The following POU6F2 variants were observed in gnomAD, a reference collection of about 807,000 sequenced individuals.
POU6F2 encodes POU domain, class 6, transcription factor 2.
A neutral mutation model predicts 71.3 loss-of-function variants in POU6F2; 31 were observed. The observed-to-expected ratio is 0.43, with a 90% CI of 0.33 to 0.59. The LOEUF is 0.59. Ranked by LOEUF, POU6F2 falls within the 20% of genes least tolerant of loss-of-function variation. POU6F2 has a pLI of 0.04. For synonymous variants in POU6F2, 347 were observed against 355.7 expected (o/e 0.98, Z 0.27); for missense variants, 783 against 856.8 (o/e 0.91, Z 1.07).
chr7:39,238,033 GA>G (rs369035148), intron 4 of POU6F2, among the ~76,000 whole-genome samples: 1 of 152,196 alleles, frequency 6.6e-6, no homozygotes, highest in African/African-American at 2.4e-5. Flanking sequence ...CTTCCCTACA[GA>G]AAAAAGCGCA....
chr7:39,342,984 G>A (rs1299823009), intron 5 of POU6F2, among the ~76,000 whole-genome samples: 1 of 152,140 alleles, frequency 6.6e-6, no homozygotes, highest in Non-Finnish European at 1.5e-5. Context: ...TAGGAGGTCT[G>A]GTGGTCTAAA....
chr7:39,133,787 G>C (rs1295568722), intron 2 of POU6F2, among the ~76,000 whole-genome samples: 1 of 152,228 alleles, frequency 6.6e-6, no homozygotes, highest in Non-Finnish European at 1.5e-5. Context: ...AGACCACAAT[G>C]TACAGCCTGT....
chr7:39,463,416 G>A (rs995820523), intron 9 of POU6F2, among the ~76,000 whole-genome samples: 1 of 152,178 alleles, frequency 6.6e-6, no homozygotes, highest in African/African-American at 2.4e-5. Flanking sequence ...CATTACACCG[G>A]CTGGTGTTTG....
intron 2 of POU6F2, among the ~76,000 whole-genome samples, chr7:39,096,716 A>G (rs544423052): frequency 9.2e-5 from 14 of 151,888 alleles, no homozygotes; most frequent in African/African-American, 3.1e-4. Context: ...ATGTTTTGTC[A>G]GTTTATTTGG....
At chr7:39,356,931 A>G (rs553933161) in intron 5 of POU6F2, among the ~76,000 whole-genome samples, 13 of 152,268 alleles carry the variant, frequency 8.5e-5, no homozygotes, top group Admixed American at 7.2e-4. Flanking sequence ...GAAGAAATGT[A>G]CATCAAAGTA....
chr7:39,252,110 C>G (rs577159848), intron 4 of POU6F2, among the ~76,000 whole-genome samples: 22 of 152,004 alleles, frequency 1.4e-4, no homozygotes, highest in African/African-American at 5.1e-4. Context: ...TTCTCTCATG[C>G]TCCTCAGATC....
At chr7:39,056,915 G>T (rs1047570033) in intron 1 of POU6F2, among the ~76,000 whole-genome samples, 1 of 152,068 alleles carries the variant, frequency 6.6e-6, no homozygotes, top group African/African-American at 2.4e-5. Context: ...AACATAACTT[G>T]TCTGTATGAC....
chr7:39,213,905 C>T (rs967787712), intron 4 of POU6F2, among the ~76,000 whole-genome samples: 1 of 152,132 alleles, frequency 6.6e-6, no homozygotes, highest in South Asian at 2.1e-4. Context: ...CTTTCCTGTC[C>T]GTTATCTTCC....
intron 1 of POU6F2, among the ~76,000 whole-genome samples, chr7:39,008,335 G>T (rs1251590021): frequency 6.6e-6 from 1 of 152,060 alleles, no homozygotes; most frequent in Non-Finnish European, 1.5e-5. Context: ...CTTTTGAGAA[G>T]TGTCTGTTCA....
intron 1 of POU6F2, among the ~76,000 whole-genome samples, chr7:39,021,369 A>T (rs1012519094): frequency 6.6e-6 from 1 of 151,434 alleles, no homozygotes; most frequent in African/African-American, 2.4e-5. Context: ...TACTTGGCCA[A>T]TTTTTTTTCT....
At chr7:39,030,679 T>C (rs1422501912) in intron 1 of POU6F2, among the ~76,000 whole-genome samples, 1 of 151,138 alleles carries the variant, frequency 6.6e-6, no homozygotes, top group Non-Finnish European at 1.5e-5. Flanking sequence ...GTGCTGGTTG[T>C]GTGGACATAC....
chr7:39,032,207 G>T (rs1789959786), intron 1 of POU6F2, among the ~76,000 whole-genome samples: 1 of 152,074 alleles, frequency 6.6e-6, no homozygotes, highest in Non-Finnish European at 1.5e-5. Flanking sequence ...TATTTCTTAG[G>T]ATTCTTAACA....
chr7:39,135,486 C>A (rs1452674188), intron 2 of POU6F2, among the ~76,000 whole-genome samples: 1 of 151,948 alleles, frequency 6.6e-6, no homozygotes, highest in Non-Finnish European at 1.5e-5. Context: ...CTCATCCACA[C>A]TCATTCCAGG....
At chr7:39,339,266 T>C (rs1225388256) in intron 4 of POU6F2, among the ~76,000 whole-genome samples, 1 of 152,150 alleles carries the variant, frequency 6.6e-6, no homozygotes, top group Non-Finnish European at 1.5e-5. Context: ...CTAAACTGGT[T>C]GGACTTCAAC....
chr7:39,355,520 C>T (rs991176030), intron 5 of POU6F2, among the ~76,000 whole-genome samples: 1 of 152,108 alleles, frequency 6.6e-6, no homozygotes, highest in African/African-American at 2.4e-5. Flanking sequence ...CCCAGCTTTT[C>T]AGGTAGACAG....
intron 2 of POU6F2, among the ~76,000 whole-genome samples, chr7:39,171,148 C>G (rs1793212483): frequency 6.6e-6 from 1 of 150,840 alleles, no homozygotes; most frequent in African/African-American, 2.4e-5. Flanking sequence ...AGGTTTTAAG[C>G]CCTGCATGCA....
intron 6 of POU6F2, among the ~76,000 whole-genome samples, chr7:39,424,037 C>G (rs866628356): frequency 4.6e-5 from 7 of 152,186 alleles, no homozygotes; most frequent in Non-Finnish European, 7.4e-5. Flanking sequence ...ACAGTGCCAG[C>G]AGATTCAGTG....
At chr7:39,312,075 T>C (rs1452072173) in intron 4 of POU6F2, among the ~76,000 whole-genome samples, 1 of 151,794 alleles carries the variant, frequency 6.6e-6, no homozygotes, top group African/African-American at 2.4e-5. Flanking sequence ...AGAAAAGGAA[T>C]TGCAGATTAA....
chr7:39,448,756 A>G (rs1008248495), intron 7 of POU6F2, among the ~76,000 whole-genome samples: 4 of 152,330 alleles, frequency 2.6e-5, no homozygotes, highest in South Asian at 2.1e-4. Flanking sequence ...CCCAGGGCCA[A>G]TAAAATATTG....
Sources: gnomAD v4.1 joint callset for allele counts (sites outside exome capture counted in the v4.1 genomes callset) on GRCh38, gnomAD v4.1.1 for gene constraint, MANE v1.5 for transcripts, NCBI Gene and HGNC (gene_info 2026-07-23, HGNC 2026-07-21) for gene names.